The following EBI3 variants were observed in gnomAD, a reference collection of about 807,000 sequenced individuals.
The protein encoded by EBI3 is interleukin-27 subunit beta.
EBI3 carries 19 observed loss-of-function variants against 21.3 expected under a neutral mutation model. That is an observed-to-expected ratio of 0.89 (90% CI 0.62 to 1.31). The LOEUF (loss-of-function observed/expected upper bound fraction) is 1.31, where lower values mean the gene tolerates loss of function less well. EBI3 is among the 50% of genes most tolerant of loss of function. The pLI, the probability that EBI3 is intolerant of heterozygous loss-of-function variation, is 0.00. For synonymous variants in EBI3, 154 were observed against 131.2 expected (o/e 1.17, Z -1.19); for missense variants, 331 against 314.0 (o/e 1.05, Z -0.41).
At chr19:4,235,852 G>A (rs908963551) in intron 4 of EBI3, among the ~76,000 whole-genome samples, 7 of 152,154 alleles carry the variant, frequency 4.6e-5, no homozygotes, top group African/African-American at 1.2e-4. Flanking sequence ...ACTTGGGCCT[G>A]GAAGATTGAG....
chr19:4,233,441 C>T (rs1970809772), intron 3 of EBI3, 134 bp downstream of exon 3: 2 of 1,012,604 alleles, frequency 2.0e-6, no homozygotes, highest in African/African-American at 1.6e-5. Context: ...CCCTTCTTCC[C>T]CCTCCTCTAC....
At chr19:4,233,693 T>G (rs1243227361) in intron 3 of EBI3, among the ~76,000 whole-genome samples, 1 of 152,134 alleles carries the variant, frequency 6.6e-6, no homozygotes. Context: ...CCTCCCCTCC[T>G]CCCTGTCTCC....
chr19:4,233,306 C>A lies in EBI3; in HGVS notation c.378C>A (p.Ile126=). ...SSFVPFITEH[I]IKPDPPEGVR... ...TCGTGCCTTTCATAACAGAGCACAT[C>A]AGTGAGTGGGGGCGGCAGTGGGGGC... The change falls in exon 3 of 5, where the codon ATC becomes ATA. Residue 126 remains isoleucine (I), a splice_region_variant and synonymous_variant. Coordinates refer to ENST00000221847, the MANE Select transcript of EBI3 (RefSeq NM_005755.3). The A allele has an allele frequency of 6.3e-7, 1 of 1,592,254 alleles. No individual in the cohort carries two copies. The highest frequency in any genetic ancestry group is 1.1e-5 in the South Asian group (1 of 89,484).
At chr19:4,229,833 G>A (rs1251062705) in intron 1 of EBI3, among the ~76,000 whole-genome samples, 4 of 152,190 alleles carry the variant, frequency 2.6e-5, no homozygotes, top group Non-Finnish European at 4.4e-5. Flanking sequence ...GATAGGGACT[G>A]GCAGTCACAG....
chr19:4,230,791 C>A (rs1023727976), intron 1 of EBI3, among the ~76,000 whole-genome samples: 1 of 151,584 alleles, frequency 6.6e-6, no homozygotes, highest in Non-Finnish European at 1.5e-5. Flanking sequence ...GGCTAAGAAT[C>A]GCTTGAACCC....
chr19:4,236,628 A>G (rs1293718948), intron 4 of EBI3, among the ~76,000 whole-genome samples: 1 of 150,674 alleles, frequency 6.6e-6, no homozygotes. Flanking sequence ...GGGAGGAGAA[A>G]GAAGAGGATT....
chr19:4,235,815 G>A (rs1280813948), intron 4 of EBI3, among the ~76,000 whole-genome samples: 1 of 152,124 alleles, frequency 6.6e-6, no homozygotes, highest in Non-Finnish European at 1.5e-5. Flanking sequence ...TGTACCCCCA[G>A]TTACAAGAGG....
At chr19:4,229,647 C>T (rs778020148) in intron 1 of EBI3, 30 bp downstream of exon 1, 5 of 1,581,798 alleles carry the variant, frequency 3.2e-6, no homozygotes, top group East Asian at 2.3e-5. Context: ...GACTGGGGGG[C>T]CCAGGCAGAC....
Position 4,229,572 on chromosome 19 carries a change from G to T in EBI3, c.22G>T (p.Ala8Ser). MTPQLLL[A>S]LVLWASCPPC... ...AGCCATGACCCCGCAGCTTCTCCTGGCCCTTGTCCTCTGGGCCAGCTGCCC... is the reference window on the plus strand; with the variant it reads ...AGCCATGACCCCGCAGCTTCTCCTGTCCCTTGTCCTCTGGGCCAGCTGCCC... Residue 8 changes from alanine (A) to serine (S), a missense_variant, in exon 1 of 5, where the codon GCC becomes TCC. Transcript: ENST00000221847. 1.2e-6 allele frequency: 2 copies of T among 1,611,470 alleles called. No homozygotes were observed. Among genetic ancestry groups the T allele is most frequent in the Non-Finnish European group, 8.5e-7 (1 of 1,179,080 alleles).
chr19:4,234,690 G>A lies in EBI3; in HGVS notation c.403G>A (p.Val135Met), dbSNP rs964392303. 1.7e-5 allele frequency: 27 copies of A among 1,614,024 alleles called. No individual in the cohort carries two copies. Among genetic ancestry groups the A allele is most frequent in the East Asian group, 1.1e-4 (5 of 44,888 alleles). The change falls in exon 4 of 5, where the codon GTG (valine) becomes ATG (methionine). Residue 135 changes from valine (V) to methionine (M), a missense_variant. Coordinates refer to ENST00000221847, the MANE Select transcript of EBI3 (RefSeq NM_005755.3). ...AGTCAAGCCCGACCCTCCAGAAGGCGTGCGCCTAAGCCCCCTCGCTGAGCG... is the reference window on the plus strand; with the variant it reads ...AGTCAAGCCCGACCCTCCAGAAGGCATGCGCCTAAGCCCCCTCGCTGAGCG... ...HIIKPDPPEGVRLSPLAERQL... is the reference protein window; with the variant it reads ...HIIKPDPPEGMRLSPLAERQL...
chr19:4,229,637 GACT>G lies in EBI3; in HGVS notation c.67+21_67+23del, dbSNP rs1970764574. 4 of 1,596,404 alleles carry G rather than the reference GACT, an allele frequency of 2.5e-6. No individual in the cohort carries two copies. The highest frequency in any genetic ancestry group is 3.4e-6 in the Non-Finnish European group (4 of 1,172,004). On this transcript the variant is annotated intron_variant, in intron 1 of 4. Coordinates refer to ENST00000221847, the MANE Select transcript of EBI3 (RefSeq NM_005755.3). ...GGAAAGGTATGTGGGGCCCCTGGGG[GACT>G]GGGGGGCCCAGGCAGACGGACATGA... is the stretch of plus-strand genomic sequence containing the variant.
Position 4,231,254 on chromosome 19 carries a change from T to C in EBI3, c.131T>C (p.Val44Ala). ...CGAGCCTCTCGGTACCCGATCGCCG[T>C]GGATTGCTCCTGGACCCTGCCGCCT... ...QCRASRYPIA[V>A]DCSWTLPPAP... Residue 44 changes from valine (V) to alanine (A), a missense_variant, in exon 2 of 5, where the codon GTG becomes GCG. Physicochemically the swap from Val to Ala is moderately conservative, Grantham distance 64. Transcript: ENST00000221847. The C allele has an allele frequency of 6.2e-7, 1 of 1,613,000 alleles. No individual in the cohort carries two copies.
chr19:4,236,976 T>C lies in EBI3; in HGVS notation c.578T>C (p.Val193Ala). The change falls in exon 5 of 5, where the codon GTG becomes GCG. Residue 193 changes from valine to alanine, a missense_variant. By Grantham distance (64) the Val-to-Ala change is moderately conservative (BLOSUM62 0). Coordinates refer to ENST00000221847, the MANE Select transcript of EBI3 (RefSeq NM_005755.3). ...GCCACGTCCTTCATCCTCAGGGCTG[T>C]GCGGCCCCGAGCCAGGTACTACGTC... ...IEATSFILRA[V>A]RPRARYYVQV... 1.3e-6 allele frequency: 2 copies of C among 1,558,486 alleles called. No individual in the cohort carries two copies. Among genetic ancestry groups the C allele is most frequent in the Non-Finnish European group, 1.7e-6 (2 of 1,148,034 alleles).
At chr19:4,232,593 G>T (rs1440061066) in intron 2 of EBI3, among the ~76,000 whole-genome samples, 2 of 150,034 alleles carry the variant, frequency 1.3e-5, no homozygotes, top group African/African-American at 4.9e-5. Flanking sequence ...GAGTGGTGAT[G>T]CGTGCCTGTA....
At chr19:4,232,990 A>T in intron 2 of EBI3, 139 bp from the exon 3 acceptor site, 6 of 1,015,298 alleles carry the variant, frequency 5.9e-6, no homozygotes, top group South Asian at 5.8e-5. Context: ...GGCCACCACC[A>T]GGACCCCACC....
At chr19:4,231,675 G>A (rs1271060009) in intron 2 of EBI3, among the ~76,000 whole-genome samples, 4 of 149,198 alleles carry the variant, frequency 2.7e-5, no homozygotes, top group Admixed American at 2.7e-4. Context: ...GGAGGCTGAG[G>A]CAGGAGAATA....
At chr19:4,230,024 C>T (rs961887849) in intron 1 of EBI3, among the ~76,000 whole-genome samples, 1 of 152,056 alleles carries the variant, frequency 6.6e-6, no homozygotes, top group Non-Finnish European at 1.5e-5. Context: ...TGGGTTCAAG[C>T]GAGATTCTCC....
intron 2 of EBI3, 81 bp downstream of exon 2, chr19:4,231,404 C>T (rs556404051): frequency 6.9e-7 from 1 of 1,454,488 alleles, no homozygotes; most frequent in Non-Finnish European, 9.0e-7. Flanking sequence ...GCCCTGGGGT[C>T]AGGAAAACTG....
intron 2 of EBI3, 45 bp from the exon 3 acceptor site, chr19:4,233,084 C>T: frequency 6.7e-7 from 1 of 1,488,858 alleles, no homozygotes; most frequent in Non-Finnish European, 8.9e-7. Context: ...GGTGCTGAGG[C>T]CACAGGCACT....
Sources: gnomAD v4.1 joint callset for allele counts (sites outside exome capture counted in the v4.1 genomes callset) on GRCh38, gnomAD v4.1.1 for gene constraint, MANE v1.5 for transcripts, NCBI Gene and HGNC (gene_info 2026-07-23, HGNC 2026-07-21) for gene names.